ZNF705A: variants seen among roughly 807,000 people sequenced by gnomAD.
ZNF705A encodes the protein zinc finger protein 705A.
In ZNF705A, 8 loss-of-function variants were observed where a neutral mutation model predicts 16.6. That is an observed-to-expected ratio of 0.48 (90% CI 0.28 to 0.87). The LOEUF (loss-of-function observed/expected upper bound fraction) is 0.87. Ranked by LOEUF, ZNF705A falls within the 40% of genes least tolerant of loss-of-function variation. The pLI, the probability that ZNF705A is intolerant of heterozygous loss-of-function variation, is 0.10. For missense variants in ZNF705A, 233 were observed against 359.9 expected, an observed-to-expected ratio of 0.65 and a Z score of 2.85; for synonymous variants, 73 against 117.3, an observed-to-expected ratio of 0.62 and a Z score of 2.44.
chr12:8,172,148 G>A (rs1948451022), upstream of ZNF705A, among the ~76,000 whole-genome samples: 1 of 151,806 alleles, frequency 6.6e-6, no homozygotes, highest in Admixed American at 6.6e-5. Flanking sequence ...GTGGGTGTTG[G>A]AGAAACATTG....
intron 1 of ZNF705A, among the ~76,000 whole-genome samples, chr12:8,158,915 T>C (rs1204184252): frequency 1.3e-5 from 2 of 152,094 alleles, no homozygotes; most frequent in Non-Finnish European, 2.9e-5. Flanking sequence ...TGCACCCATC[T>C]CCCGAGCAGT....
At chr12:8,164,227 C>A (rs1948380252) in intron 1 of ZNF705A, among the ~76,000 whole-genome samples, 1 of 152,174 alleles carries the variant, frequency 6.6e-6, no homozygotes, top group African/African-American at 2.4e-5. Context: ...GTGCTCTAAC[C>A]ACATCTACCC....
At chr12:8,163,138 C>G (rs1948370602) in intron 1 of ZNF705A, among the ~76,000 whole-genome samples, 1 of 152,146 alleles carries the variant, frequency 6.6e-6, no homozygotes, top group African/African-American at 2.4e-5. Context: ...CTATTACTAA[C>G]TGGAGGTATG....
exon 5 of ZNF705A, chr12:8,178,200 T>C (rs10770298): frequency 0.45 from 68,657 of 152,646 alleles, 16,287 homozygotes; most frequent in Non-Finnish European, 0.55. Flanking sequence ...GAAAACAGAG[T>C]GATAAAATGC....
At position 8,175,885 on chromosome 12, in the gene ZNF705A, A is replaced by G. The variant is rs144862701; in HGVS notation, c.261A>G (p.Lys87=). The stretch of plus-strand genomic sequence containing the variant: ...ACAGGGAAAGTGCCCTTAAGAAAAA[A>G]CACATGATATCCATGCATCCTATCA... Residue 87 remains lysine (K), a synonymous_variant, in exon 4 of 5, where the codon AAA becomes AAG. Coordinates refer to ENST00000359286, the Ensembl canonical transcript of ZNF705A. 2,365 of 1,611,492 alleles carry G rather than the reference A, an allele frequency of 1.5e-3. 30 individuals are homozygous for G. In the African/African-American group the frequency reaches 0.028, roughly 19 times the overall value.
chr12:8,177,065 T>C lies in ZNF705A; in HGVS notation c.385T>C (p.Ser129Pro), dbSNP rs759142237. The C allele has an allele frequency of 3.7e-6, 6 of 1,610,680 alleles. No homozygotes were observed. In the East Asian group the frequency reaches 1.1e-4, roughly 30 times the overall value. ...TTCGGGAGAAGATTGCACTCACAGT[T>C]CCACAATAACTCAGCGTTTGTTAAC... Residue 129 changes from serine to proline, a missense_variant, in exon 5 of 5, where the codon TCC (serine) becomes CCC (proline). Physicochemically the swap from Ser to Pro is moderately conservative, Grantham distance 74 (BLOSUM62 -1). Coordinates refer to ENST00000359286, the Ensembl canonical transcript of ZNF705A.
At chr12:8,169,568 T>G (rs1948427875), upstream of ZNF705A, among the ~76,000 whole-genome samples, 1 of 152,234 alleles carries the variant, frequency 6.6e-6, no homozygotes, top group Non-Finnish European at 1.5e-5. Flanking sequence ...CAGATGTCAT[T>G]CAACATTGTA....
upstream of ZNF705A, among the ~76,000 whole-genome samples, chr12:8,169,879 T>C (rs751616792): frequency 2.0e-4 from 31 of 152,166 alleles, no homozygotes; most frequent in East Asian, 3.5e-3. Context: ...GCAGAATGGC[T>C]CCTTCCTCAT....
At chr12:8,161,680 A>C (rs888434507) in intron 1 of ZNF705A, among the ~76,000 whole-genome samples, 1 of 152,136 alleles carries the variant, frequency 6.6e-6, no homozygotes, top group Non-Finnish European at 1.5e-5. Flanking sequence ...AGGTTAAAAC[A>C]TCTATTAGTA....
Position 8,177,264 on chromosome 12 carries a change from C to G in ZNF705A, c.584C>G (p.Thr195Ser), listed in dbSNP as rs1948493179. The G allele has an allele frequency of 3.1e-6, 5 of 1,611,626 alleles. No individual in the cohort carries two copies. The African/African-American group carries it at 4.0e-5, about 13-fold the overall frequency. ...CTTAGACGGCACAAGATGACTCACA[C>G]TGGAGAGAGGCCATATGCATGTCAT... The change falls in exon 5 of 5, where the codon ACT becomes AGT. Residue 195 changes from threonine to serine, a missense_variant. By Grantham distance (58) the Thr-to-Ser change is moderately conservative (BLOSUM62 1). Transcript: ENST00000359286.
chr12:8,169,218 T>C (rs754614694), upstream of ZNF705A, among the ~76,000 whole-genome samples: 1 of 152,354 alleles, frequency 6.6e-6, no homozygotes, highest in East Asian at 1.9e-4. Context: ...ACTTTAAAAA[T>C]AAATATTTTG....
rs758957190 is a variant in ZNF705A at position 8,175,472 on chromosome 12, G to A, written c.235+149G>A. The A allele has an allele frequency of 8.8e-4, 1,136 of 1,291,874 alleles. 8 individuals are homozygous for A. The highest frequency in any genetic ancestry group is 8.5e-3 in the African/African-American group (568 of 67,066). 80.0% of individuals were successfully genotyped at this position (1,291,874 alleles called of 1,614,324 possible). On this transcript the variant is annotated intron_variant, in intron 3 of 4. Coordinates refer to ENST00000359286, the Ensembl canonical transcript of ZNF705A. Reference sequence around the variant, plus strand: ...GGAGCAGAATTCCTTAGATGTTATTGTCATTTTGTTCATGTGTCAGATGCT... The same window carrying A: ...GGAGCAGAATTCCTTAGATGTTATTATCATTTTGTTCATGTGTCAGATGCT...
Position 8,177,010 on chromosome 12 carries a change from C to T in ZNF705A, c.330C>T (p.Leu110=), listed in dbSNP as rs142952693. Reference sequence around the variant, plus strand: ...TCTTTGTCCCAAAGGAGAACTCTCTCATTCTGGAGGATCCTTTTGAATGTA... The same window carrying T: ...TCTTTGTCCCAAAGGAGAACTCTCTTATTCTGGAGGATCCTTTTGAATGTA... Residue 110 remains leucine, a synonymous_variant, in exon 5 of 5, where the codon CTC becomes CTT. Coordinates refer to ENST00000359286, the Ensembl canonical transcript of ZNF705A. The T allele has an allele frequency of 9.5e-5, 153 of 1,610,740 alleles. No homozygotes were observed. The African/African-American group carries it at 1.9e-3, about 20-fold the overall frequency.
chr12:8,163,229 G>A (rs757064834), intron 1 of ZNF705A, among the ~76,000 whole-genome samples: 25 of 152,262 alleles, frequency 1.6e-4, no homozygotes, highest in Admixed American at 5.2e-4. Flanking sequence ...ATCTAGATCA[G>A]GGGATTCTCA....
At position 8,158,237 on chromosome 12, in the gene ZNF705A, C is replaced by T. The variant is rs939306737; in HGVS notation, c.-72+1145C>T. On this transcript the variant is annotated intron_variant, in intron 1 of 5. Coordinates refer to the ZNF705A transcript ENST00000396570. ...TAATTTTTCTTTCTTCTTTAAAATG[C>T]AATCAAATTGAACATTTTTATTACC... Among the ~76,000 whole-genome samples the T allele has an allele frequency of 4.6e-5, 7 of 152,062 alleles. No homozygotes were observed. In the East Asian group the frequency reaches 9.6e-4, roughly 21 times the overall value.
At chr12:8,162,615 T>C (rs7299681) in intron 1 of ZNF705A, among the ~76,000 whole-genome samples, 84,543 of 151,538 alleles carry the variant, frequency 0.56, 25,000 homozygotes, top group African/African-American at 0.76. Context: ...TCCCACCTAA[T>C]CCTTTGTCTT....
At chr12:8,158,461 G>T (rs1013219555) in intron 1 of ZNF705A, among the ~76,000 whole-genome samples, 1 of 152,036 alleles carries the variant, frequency 6.6e-6, no homozygotes, top group Non-Finnish European at 1.5e-5. Flanking sequence ...TATTTTTGCT[G>T]CCAGTAGTTA....
At chr12:8,168,670 C>G (rs186721117), upstream of ZNF705A, among the ~76,000 whole-genome samples, 2 of 152,188 alleles carry the variant, frequency 1.3e-5, no homozygotes, top group Non-Finnish European at 2.9e-5. Flanking sequence ...ACTAGAAATT[C>G]TGTAACTACA....
upstream of ZNF705A, among the ~76,000 whole-genome samples, chr12:8,167,648 C>A (rs997913130): frequency 2.6e-5 from 4 of 152,136 alleles, no homozygotes. Flanking sequence ...GTTCTCCAAG[C>A]ACTGAGATGT....
Sources: allele counts gnomAD v4.1 joint callset (sites outside exome capture counted in the v4.1 genomes callset), GRCh38; gene constraint gnomAD v4.1.1; transcripts MANE v1.5; gene names NCBI Gene and HGNC (gene_info 2026-07-23, HGNC 2026-07-21).